ABLIM1: variants seen among roughly 807,000 people sequenced by gnomAD.
ABLIM1 encodes actin binding LIM protein 1.
ABLIM1 carries 40 observed loss-of-function variants against 107.0 expected under a neutral mutation model. The ratio of observed to expected loss-of-function variants is 0.37; its 90% confidence interval spans 0.29 to 0.49. ABLIM1 has a LOEUF of 0.49. Among genes scored for constraint, ABLIM1 ranks in the 20% least tolerant of loss-of-function variants. The pLI, the probability that ABLIM1 is intolerant of heterozygous loss-of-function variation, is 0.97. For synonymous variants in ABLIM1, 357 were observed against 357.3 expected (o/e 1.00, Z 0.01); for missense variants, 857 against 1,008.5 (o/e 0.85, Z 2.04).
At position 114,728,255 on chromosome 10, in the gene ABLIM1, C is replaced by T. The variant is rs561397115; in HGVS notation, c.-213+39806G>A. On this transcript the variant is annotated intron_variant, in intron 1 of 15. Transcript: ENST00000651092. ...TGACAAATTTGTGGAGAAACGGGAA[C>T]GCTTTTATACTGCTGGTAATATAAA... Among the ~76,000 whole-genome samples the T allele has an allele frequency of 2.0e-3, 309 of 152,200 alleles. 1 individual carries two copies. The highest frequency in any genetic ancestry group is 3.4e-3 in the Middle Eastern group (1 of 294).
At chr10:114,645,843 T>C (rs755793362) in intron 1 of ABLIM1, among the ~76,000 whole-genome samples, 2 of 151,936 alleles carry the variant, frequency 1.3e-5, no homozygotes, top group Non-Finnish European at 2.9e-5. Flanking sequence ...GGCCTGTGTT[T>C]ATGTTTTAGG....
intron 6 of ABLIM1, among the ~76,000 whole-genome samples, chr10:114,512,081 G>C (rs1307457877): frequency 2.0e-5 from 3 of 152,188 alleles, no homozygotes; most frequent in Non-Finnish European, 4.4e-5. Context: ...CCACTTCCTT[G>C]CTGCAGGCCA....
rs574196731 is a variant in ABLIM1, at chr10:114,443,924, G to A, written c.1933+105C>T. ...GTGGGTTTCCCACACTTCCTTTCCC[G>A]TGGAATACTCTGTAGGTTCCACCAC... is the stretch of plus-strand genomic sequence containing the variant. On this transcript the variant is annotated intron_variant, in intron 17 of 22. Transcript: ENST00000533213. 474 of 880,270 alleles carry A rather than the reference G, an allele frequency of 5.4e-4. 4 individuals carry two copies. In the South Asian group the frequency reaches 7.4e-3, roughly 14 times the overall value. 54.5% of individuals were successfully genotyped at this position (880,270 alleles called of 1,614,324 possible).
chr10:114,782,385 A>G, the ABLIM1 span, among the ~76,000 whole-genome samples: 75 of 152,236 alleles, frequency 4.9e-4, 1 homozygote, highest in East Asian at 0.013. Flanking sequence ...TAATTAAGGG[A>G]ACACAAGGAA....
chr10:114,788,663 G>A, the ABLIM1 span, among the ~76,000 whole-genome samples: 23 of 152,112 alleles, frequency 1.5e-4, no homozygotes, highest in Non-Finnish European at 2.8e-4. Flanking sequence ...GGGAGGTGGA[G>A]GTTGCAGTGA....
chr10:114,724,632 C>T lies in ABLIM1; in HGVS notation c.-213+43429G>A, dbSNP rs546360967. Among the ~76,000 whole-genome samples, 3 of 152,306 alleles carry T rather than the reference C, an allele frequency of 2.0e-5. No individual in the cohort carries two copies. In the South Asian group the frequency reaches 6.2e-4, roughly 32 times the overall value. On this transcript the variant is annotated intron_variant, in intron 1 of 15. Coordinates refer to the ABLIM1 transcript ENST00000651092. ...ATTTTGTAATTAATTCTTTCAAGGC[C>T]TTCCAAGGTGAAGATGGTCCCACCC...
intron 1 of ABLIM1, among the ~76,000 whole-genome samples, chr10:114,681,056 G>A (rs372272177): frequency 2.0e-4 from 31 of 152,210 alleles, no homozygotes; most frequent in African/African-American, 6.0e-4. Context: ...GATGTGGGTG[G>A]GGCCAAGAGC....
chr10:114,698,847 C>T (rs944501772), intron 1 of ABLIM1, among the ~76,000 whole-genome samples: 3 of 152,090 alleles, frequency 2.0e-5, no homozygotes, highest in African/African-American at 7.2e-5. Context: ...TGAAGACTGA[C>T]TCACACAGGA....
At chr10:114,740,770 G>A (rs1009645863) in intron 1 of ABLIM1, among the ~76,000 whole-genome samples, 3 of 151,992 alleles carry the variant, frequency 2.0e-5, no homozygotes, top group African/African-American at 7.2e-5. Context: ...TTGGCTGGGC[G>A]TGGTGGCTCA....
intron 1 of ABLIM1, among the ~76,000 whole-genome samples, chr10:114,720,683 C>T (rs2081822969): frequency 6.6e-6 from 1 of 151,796 alleles, no homozygotes; most frequent in African/African-American, 2.4e-5. Context: ...CGATTTTTAG[C>T]CTGGATCAAC....
chr10:114,447,204 TA>T (rs2061143267), intron 15 of ABLIM1, among the ~76,000 whole-genome samples: 1 of 152,130 alleles, frequency 6.6e-6, no homozygotes, highest in African/African-American at 2.4e-5. Context: ...TCACTACTGA[TA>T]ATATAGTAAA....
chr10:114,439,244 G>C lies in ABLIM1; in HGVS notation c.2074C>G (p.Pro692Ala). ...CTCATTGCAGGCATGTGGCCATCTG[G>C]GAGTGTCTGCAACAGAAATGCCAGT... ...SGGVRDYQTL[P>A]DGHMPAMRMD... is the part of the protein sequence containing the mutation. The change falls in exon 21 of 23, where the codon CCA (proline) becomes GCA (alanine). Residue 692 changes from proline to alanine, a missense_variant. Around this residue, in one of 5 missense-constraint regions of ABLIM1, gnomAD observed 193 missense variants for 208.5 expected, o/e 0.93. Transcript: ENST00000533213. 6.2e-7 allele frequency: 1 copy of C among 1,614,234 alleles called. No homozygotes were observed. Among genetic ancestry groups the C allele is most frequent in the Non-Finnish European group, 8.5e-7 (1 of 1,180,036 alleles).
At chr10:114,774,203 C>T in the ABLIM1 span, among the ~76,000 whole-genome samples, 3 of 152,072 alleles carry the variant, frequency 2.0e-5, no homozygotes, top group Admixed American at 2.0e-4. Flanking sequence ...CCAAATCAAA[C>T]AACAAAACTG....
intron 1 of ABLIM1, among the ~76,000 whole-genome samples, chr10:114,703,574 G>C (rs1420485785): frequency 6.6e-6 from 1 of 152,156 alleles, no homozygotes; most frequent in African/African-American, 2.4e-5. Flanking sequence ...AGTACAAGGT[G>C]CCCACCTCTC....
chr10:114,577,212 G>GT (rs1160456959), intron 2 of ABLIM1, among the ~76,000 whole-genome samples: 1 of 152,168 alleles, frequency 6.6e-6, no homozygotes, highest in Non-Finnish European at 1.5e-5. Flanking sequence ...GAACCTAATT[G>GT]TATCTAATAT....
intron 6 of ABLIM1, among the ~76,000 whole-genome samples, chr10:114,499,854 T>C (rs1293063616): frequency 6.6e-6 from 1 of 152,192 alleles, no homozygotes; most frequent in Admixed American, 6.5e-5. Flanking sequence ...CTGACTCAGC[T>C]TTTTTGCGTC....
intron 4 of ABLIM1, among the ~76,000 whole-genome samples, chr10:114,562,325 C>T (rs927711200): frequency 5.3e-5 from 8 of 152,196 alleles, no homozygotes; most frequent in African/African-American, 1.7e-4. Context: ...GTCAGGAGAT[C>T]GAGACCATCC....
At chr10:114,472,923 G>C in intron 10 of ABLIM1, 54 bp downstream of exon 10, 2 of 1,455,038 alleles carry the variant, frequency 1.4e-6, no homozygotes, top group South Asian at 3.1e-5. Context: ...TTACAAATGT[G>C]ACAAAAGGGA....
intron 1 of ABLIM1, among the ~76,000 whole-genome samples, chr10:114,680,418 G>A (rs1177908757): frequency 6.6e-6 from 1 of 152,208 alleles, no homozygotes. Context: ...CTCAAAAGGA[G>A]CATGCTTTCC....
Sources: allele counts gnomAD v4.1 joint callset (sites outside exome capture counted in the v4.1 genomes callset), GRCh38; gene constraint gnomAD v4.1.1; regional missense constraint gnomAD v4.1.1; transcripts MANE v1.5; gene names NCBI Gene and HGNC (gene_info 2026-07-23, HGNC 2026-07-21).